Variants in ACSL5 observed in about 807,000 individuals in gnomAD.
ACSL5 encodes the protein long-chain-fatty-acid--CoA ligase 5.
A neutral mutation model predicts 84.9 loss-of-function variants in ACSL5; 50 were observed. That is an observed-to-expected ratio of 0.59 (90% CI 0.47 to 0.75). The LOEUF is 0.75. ACSL5 is among the 30% of genes least tolerant of loss of function. The probability of loss-of-function intolerance (pLI) is 0.00; values close to 1 mark genes in which losing one functional copy is unlikely to be tolerated. For synonymous variants in ACSL5, 280 were observed against 300.7 expected (o/e 0.93, Z 0.71); for missense variants, 775 against 830.4 (o/e 0.93, Z 0.82).
At position 112,412,187 on chromosome 10, in the gene ACSL5, G is replaced by A. The variant is rs901371976; in HGVS notation, c.948+208G>A. On this transcript the variant is annotated intron_variant, in intron 11 of 20. Transcript: ENST00000354655. ...TCTGCTAAGTCTGCATGTGTCCAGGGAGGATAGTACTTGCTCCTGCCTTCA... is the reference window on the plus strand; with the variant it reads ...TCTGCTAAGTCTGCATGTGTCCAGGAAGGATAGTACTTGCTCCTGCCTTCA... 39 of 576,176 alleles carry A rather than the reference G, an allele frequency of 6.8e-5. No homozygotes were observed. In the East Asian group the frequency reaches 1.0e-3, roughly 15 times the overall value. The allele number at this position is 576,176 out of a possible 1,614,324, so 35.7% of individuals were successfully genotyped here. A position where few individuals can be genotyped will look rare whatever the true frequency, so the allele number is the denominator to read the frequency against.
intron 12 of ACSL5, among the ~76,000 whole-genome samples, chr10:112,415,798 A>T (rs1316181750): frequency 6.6e-6 from 1 of 152,224 alleles, no homozygotes; most frequent in African/African-American, 2.4e-5. Flanking sequence ...AAAAGACTTC[A>T]ATTGCCTTGA....
At chr10:112,412,033 C>T in intron 11 of ACSL5, 54 bp downstream of exon 11, 2 of 1,497,512 alleles carry the variant, frequency 1.3e-6, no homozygotes, top group Non-Finnish European at 1.9e-6. Flanking sequence ...GACTTGCTAT[C>T]ACATGTTTAT....
chr10:112,425,328 T>G lies in ACSL5; in HGVS notation c.1594-10T>G. On this transcript the variant is annotated splice_polypyrimidine_tract_variant and intron_variant, in intron 17 of 20. Coordinates refer to ENST00000354655, the MANE Select transcript of ACSL5 (RefSeq NM_203379.2). Reference sequence around the variant, plus strand: ...TCAAAAATACTGATACTTTTATCTGTCTCATGTAGAATGGAACTCTGAAGA... The same window carrying G: ...TCAAAAATACTGATACTTTTATCTGGCTCATGTAGAATGGAACTCTGAAGA... 6.2e-7 allele frequency: 1 copy of G among 1,604,236 alleles called. No homozygotes were observed. The highest frequency in any genetic ancestry group is 8.5e-7 in the Non-Finnish European group (1 of 1,175,606).
At chr10:112,419,485 T>C (rs917205628) in intron 14 of ACSL5, 4 of 152,202 alleles carry the variant, frequency 2.6e-5, no homozygotes, top group Admixed American at 6.5e-5. Flanking sequence ...AAAAGTGTTT[T>C]GAATTTTGCA....
chr10:112,407,786 T>A (rs966904444), intron 5 of ACSL5, among the ~76,000 whole-genome samples: 2 of 152,214 alleles, frequency 1.3e-5, no homozygotes, highest in South Asian at 4.2e-4. Context: ...TTTCATCAGT[T>A]TCCCACAAGC....
rs764355641 is a variant in ACSL5, at chr10:112,427,344, C to G, written c.2038C>G (p.His680Asp). The G allele has an allele frequency of 3.2e-5, 52 of 1,612,594 alleles. No homozygotes were observed. Among genetic ancestry groups the G allele is most frequent in the Non-Finnish European group, 4.3e-5 (51 of 1,179,394 alleles). Residue 680 changes from histidine (H) to aspartate (D), a missense_variant, in exon 21 of 21, where the codon CAC (histidine) becomes GAC (aspartate). Coordinates refer to ENST00000354655, the MANE Select transcript of ACSL5 (RefSeq NM_203379.2). ...FRTQIDSLYE[H>D]IQD The stretch of plus-strand genomic sequence containing the variant: ...GACCCAAATTGACAGCCTGTATGAG[C>G]ACATCCAGGATTAGGATAAGGTACT...
intron 1 of ACSL5, among the ~76,000 whole-genome samples, chr10:112,383,507 C>T (rs1366596875): frequency 6.6e-6 from 1 of 152,234 alleles, no homozygotes; most frequent in Admixed American, 6.5e-5. Context: ...GGCCCTGTGA[C>T]TCAGCCTTCA....
intron 1 of ACSL5, among the ~76,000 whole-genome samples, chr10:112,390,011 T>C (rs1849524847): frequency 6.6e-6 from 1 of 152,148 alleles, no homozygotes; most frequent in South Asian, 2.1e-4. Flanking sequence ...GGAAGATCAC[T>C]TGAGCCCAGC....
intron 10 of ACSL5, 22 bp downstream of exon 10, chr10:112,411,551 A>G: frequency 6.3e-7 from 1 of 1,598,402 alleles, no homozygotes; most frequent in Non-Finnish European, 8.6e-7. Flanking sequence ...GTTGAAAAAG[A>G]GGCTCTCATT....
At chr10:112,380,119 C>T (rs939845583) in intron 1 of ACSL5, among the ~76,000 whole-genome samples, 1 of 152,062 alleles carries the variant, frequency 6.6e-6, no homozygotes, top group Non-Finnish European at 1.5e-5. Flanking sequence ...CAAGTTGTCC[C>T]GGGGTCGGGA....
intron 2 of ACSL5, among the ~76,000 whole-genome samples, 157 bp downstream of exon 2, chr10:112,395,259 A>G (rs1398802212): frequency 2.6e-5 from 4 of 152,300 alleles, no homozygotes; most frequent in Admixed American, 6.5e-5. Flanking sequence ...TTAAACTTCT[A>G]TTACTGGCAC....
At position 112,427,343 on chromosome 10, in the gene ACSL5, G is replaced by C; in HGVS notation, c.2037G>C (p.Glu679Asp). The C allele has an allele frequency of 6.2e-7, 1 of 1,612,648 alleles. No individual in the cohort carries two copies. The highest frequency in any genetic ancestry group is 1.1e-5 in the South Asian group (1 of 90,748). ...YFRTQIDSLY[E>D]HIQD is the part of the protein sequence containing the mutation. Reference sequence around the variant, plus strand: ...GGACCCAAATTGACAGCCTGTATGAGCACATCCAGGATTAGGATAAGGTAC... The same window carrying C: ...GGACCCAAATTGACAGCCTGTATGACCACATCCAGGATTAGGATAAGGTAC... The change falls in exon 21 of 21, where the codon GAG becomes GAC. Residue 679 changes from glutamate to aspartate, a missense_variant. By Grantham distance (45) the Glu-to-Asp change is conservative. Transcript: ENST00000354655.
At chr10:112,410,784 A>G in intron 9 of ACSL5, 149 bp downstream of exon 9, 1 of 748,532 alleles carries the variant, frequency 1.3e-6, no homozygotes, top group Non-Finnish European at 2.1e-6. Flanking sequence ...TGAATTCCCA[A>G]ATGGAAAAAC....
At chr10:112,408,329 G>T in intron 5 of ACSL5, 93 bp from the exon 6 acceptor site, 41 of 723,904 alleles carry the variant, frequency 5.7e-5, no homozygotes, top group Non-Finnish European at 7.5e-5. Flanking sequence ...AACAAAACAA[G>T]ACAAAAAACC....
intron 1 of ACSL5, among the ~76,000 whole-genome samples, chr10:112,389,203 A>G (rs1385873424): frequency 1.3e-5 from 2 of 152,212 alleles, no homozygotes; most frequent in East Asian, 3.9e-4. Context: ...CCTAGACACC[A>G]AGAATGGTCC....
intron 1 of ACSL5, among the ~76,000 whole-genome samples, chr10:112,384,135 G>A (rs1019651033): frequency 1.3e-5 from 2 of 151,358 alleles, no homozygotes; most frequent in African/African-American, 2.4e-5. Context: ...GCAGTGAGCC[G>A]AGATCACACC....
At chr10:112,404,637 A>ACGAT in intron 4 of ACSL5, 62 bp downstream of exon 4, 1 of 1,597,606 alleles carries the variant, frequency 6.3e-7, no homozygotes, top group South Asian at 1.1e-5. Flanking sequence ...ACTACAGGAT[A>ACGAT]CGATATTGGT....
At chr10:112,394,481 C>T (rs921906273) in intron 1 of ACSL5, among the ~76,000 whole-genome samples, 9 of 152,318 alleles carry the variant, frequency 5.9e-5, no homozygotes, top group South Asian at 4.1e-4. Context: ...TTGGTTTATA[C>T]GGGGGAATCC....
rs142489594 is a variant in ACSL5 at position 112,382,238 on chromosome 10, T to A, written c.-30+7969T>A. ...ATGAAGCCCCTGGCTGTGGCATTCC[T>A]GAGGAAGACTCCGCCGACCCTGTCC... On this transcript the variant is annotated intron_variant, in intron 1 of 20. Coordinates refer to ENST00000354655, the MANE Select transcript of ACSL5 (RefSeq NM_203379.2). Among the ~76,000 whole-genome samples, 97 of 152,360 alleles carry A rather than the reference T, an allele frequency of 6.4e-4. 2 individuals are homozygous for A. The highest frequency in any genetic ancestry group is 5.4e-3 in the South Asian group (26 of 4,832).
Sources: gnomAD v4.1 joint callset for allele counts (sites outside exome capture counted in the v4.1 genomes callset) on GRCh38, gnomAD v4.1.1 for gene constraint, MANE v1.5 for transcripts, NCBI Gene and HGNC (gene_info 2026-07-23, HGNC 2026-07-21) for gene names.